The following SORCS2 variants were observed in gnomAD, a reference collection of about 807,000 sequenced individuals.
SORCS2 encodes sortilin related VPS10 domain containing receptor 2, also known as VPS10 domain-containing receptor SorCS2.
In SORCS2, 100 loss-of-function variants were observed where a neutral mutation model predicts 141.6. The observed-to-expected ratio is 0.71, with a 90% confidence interval of 0.60 to 0.83. The LOEUF (loss-of-function observed/expected upper bound fraction) is 0.83. Among genes scored for constraint, SORCS2 ranks in the 40% least tolerant of loss-of-function variants. SORCS2 has a pLI of 0.00. For missense variants in SORCS2, 1,646 were observed against 1,560.2 expected, an observed-to-expected ratio of 1.05 and a Z score of -0.93; for synonymous variants, 789 against 676.9, an observed-to-expected ratio of 1.17 and a Z score of -2.57.
At position 7,487,772 on chromosome 4, in the gene SORCS2, T is replaced by C. The variant is rs531062237; in HGVS notation, c.549-43758T>C. 3.3e-5 allele frequency among the ~76,000 whole-genome samples: 5 copies of C among 152,256 alleles called. No individual in the cohort carries two copies. In the South Asian group the frequency reaches 8.3e-4, roughly 25 times the overall value. On this transcript the variant is annotated intron_variant, in intron 2 of 26. Transcript: ENST00000507866. ...GGCCATCCTCTTCTCTGCATCTCTT[T>C]CTCTCAATTAATCCCCAGCAGCTAC...
chr4:7,685,070 C>T (rs1723793485), intron 10 of SORCS2, among the ~76,000 whole-genome samples: 3 of 152,208 alleles, frequency 2.0e-5, no homozygotes. Flanking sequence ...AATTAATTAC[C>T]AGCCCTTTGT....
At chr4:7,630,097 A>G (rs542997873) in intron 3 of SORCS2, among the ~76,000 whole-genome samples, 4 of 152,266 alleles carry the variant, frequency 2.6e-5, no homozygotes, top group Admixed American at 2.0e-4. Context: ...CCTACCCTGC[A>G]GGCAGTCAGA....
intron 1 of SORCS2, among the ~76,000 whole-genome samples, chr4:7,293,181 G>A (rs1280817737): frequency 6.6e-6 from 1 of 152,070 alleles, no homozygotes; most frequent in African/African-American, 2.4e-5. Context: ...GCGGGCACCT[G>A]TAGTCCCAGC....
chr4:7,260,908 C>T (rs1429803156), intron 1 of SORCS2, among the ~76,000 whole-genome samples: 18 of 152,208 alleles, frequency 1.2e-4, no homozygotes, highest in Admixed American at 1.2e-3. Context: ...AATGGGGACA[C>T]CGAGGCTCAG....
chr4:7,697,407 C>T (rs1724782410), intron 12 of SORCS2, 133 bp downstream of exon 12: 5 of 790,258 alleles, frequency 6.3e-6, no homozygotes, highest in East Asian at 5.5e-5. Flanking sequence ...TCCCATCTTG[C>T]AGCCAAAGTG....
At chr4:7,485,811 G>C (rs562829518) in intron 2 of SORCS2, among the ~76,000 whole-genome samples, 14 of 152,182 alleles carry the variant, frequency 9.2e-5, no homozygotes, top group African/African-American at 3.4e-4. Context: ...AGGGAGAGAC[G>C]TGTGGAGGGA....
At position 7,693,940 on chromosome 4, in the gene SORCS2, C is replaced by A. The variant is rs139972752; in HGVS notation, c.1592-3258C>A. On this transcript the variant is annotated intron_variant, in intron 11 of 26. Transcript: ENST00000507866. ...CCAGTTCTGTGGACACTCACCGGGC[C>A]CTTCTAGAGATGGGAGCACCGGCGG... Among the ~76,000 whole-genome samples the A allele has an allele frequency of 1.9e-3, 291 of 152,326 alleles. 3 individuals are homozygous for A. Among genetic ancestry groups the A allele is most frequent in the African/African-American group, 6.8e-3 (282 of 41,574 alleles).
intron 16 of SORCS2, among the ~76,000 whole-genome samples, chr4:7,714,658 C>G (rs1285225098): frequency 6.6e-6 from 1 of 152,194 alleles, no homozygotes; most frequent in Non-Finnish European, 1.5e-5. Flanking sequence ...GTCAGGGCAT[C>G]TTGGGGACGT....
chr4:7,245,087 C>T (rs1213889127), intron 1 of SORCS2, among the ~76,000 whole-genome samples: 2 of 152,152 alleles, frequency 1.3e-5, no homozygotes, highest in Non-Finnish European at 2.9e-5. Context: ...TCCTGGCAAA[C>T]CAATGGGGTG....
intron 2 of SORCS2, among the ~76,000 whole-genome samples, chr4:7,469,608 C>T (rs1326709659): frequency 1.3e-5 from 2 of 152,178 alleles, no homozygotes; most frequent in Non-Finnish European, 2.9e-5. Flanking sequence ...AGTCTCTTGC[C>T]AACAGATCCC....
chr4:7,503,611 G>A (rs1336815975), intron 2 of SORCS2, among the ~76,000 whole-genome samples: 2 of 152,176 alleles, frequency 1.3e-5, no homozygotes, highest in Non-Finnish European at 2.9e-5. Flanking sequence ...GCTGGAGAGG[G>A]TATACCCAGG....
intron 2 of SORCS2, among the ~76,000 whole-genome samples, chr4:7,467,494 T>C (rs566145880): frequency 6.6e-6 from 1 of 152,288 alleles, no homozygotes; most frequent in Admixed American, 6.5e-5. Context: ...TGACATCTCA[T>C]TCATAAGGTG....
chr4:7,233,567 G>A lies in SORCS2; in HGVS notation c.480+40441G>A, dbSNP rs1322046085. ...AGCTGTGGTGGTGGGTGGACGGGGTGGGTGCTGGGACGAGGACTCAGGAAT... is the reference window on the plus strand; with the variant it reads ...AGCTGTGGTGGTGGGTGGACGGGGTAGGTGCTGGGACGAGGACTCAGGAAT... On this transcript the variant is annotated intron_variant, in intron 1 of 26. Transcript: ENST00000507866. This position sits in a 1 kb window ranked among gnomAD's most constrained non-coding sequence, Gnocchi z 4.5. Among the ~76,000 whole-genome samples, 1 of 152,186 alleles carries A rather than the reference G, an allele frequency of 6.6e-6. No homozygotes were observed. The highest frequency in any genetic ancestry group is 1.5e-5 in the Non-Finnish European group (1 of 68,038).
intron 3 of SORCS2, among the ~76,000 whole-genome samples, chr4:7,581,492 A>T (rs530908726): frequency 6.6e-6 from 1 of 152,316 alleles, no homozygotes; most frequent in East Asian, 1.9e-4. Flanking sequence ...ACAAAAATCA[A>T]GGCGTATGTT....
At chr4:7,427,543 G>A (rs949815915) in intron 2 of SORCS2, among the ~76,000 whole-genome samples, 1 of 152,170 alleles carries the variant, frequency 6.6e-6, no homozygotes, top group African/African-American at 2.4e-5. Context: ...TCCTGCCTTT[G>A]GCAGCTGACC....
chr4:7,332,500 C>T (rs1013351516), intron 1 of SORCS2, among the ~76,000 whole-genome samples: 2 of 152,182 alleles, frequency 1.3e-5, no homozygotes, highest in Admixed American at 6.5e-5. Flanking sequence ...ATCAGCTTCC[C>T]CCGACCCACT....
intron 1 of SORCS2, among the ~76,000 whole-genome samples, chr4:7,292,477 T>C (rs952460263): frequency 1.5e-5 from 2 of 132,372 alleles, no homozygotes; most frequent in African/African-American, 2.8e-5. Flanking sequence ...TGTTCACAGT[T>C]AGTGTGCTCT....
intron 4 of SORCS2, among the ~76,000 whole-genome samples, chr4:7,649,596 A>G (rs910429029): frequency 3.9e-5 from 6 of 152,008 alleles, no homozygotes; most frequent in African/African-American, 1.2e-4. Context: ...CTTATTAGAC[A>G]TGGCAGCAGG....
chr4:7,366,551 C>T (rs1439924572), intron 1 of SORCS2, among the ~76,000 whole-genome samples: 1 of 151,632 alleles, frequency 6.6e-6, no homozygotes, highest in East Asian at 1.9e-4. Context: ...TCACCCCCTC[C>T]TCCATCCTCA....
Sources: allele counts gnomAD v4.1 joint callset (sites outside exome capture counted in the v4.1 genomes callset), GRCh38; gene constraint gnomAD v4.1.1; non-coding constraint Gnocchi (gnomAD v3.1); transcripts MANE v1.5; gene names NCBI Gene and HGNC (gene_info 2026-07-23, HGNC 2026-07-21).